Variants in PPP1R37 observed in about 807,000 individuals in gnomAD.
PPP1R37 encodes the protein protein phosphatase 1 regulatory subunit 37.
A neutral mutation model predicts 61.0 loss-of-function variants in PPP1R37; 21 were observed. The ratio of observed to expected loss-of-function variants is 0.34; its 90% CI spans 0.24 to 0.50. The LOEUF (loss-of-function observed/expected upper bound fraction) is 0.50. Among genes scored for constraint, PPP1R37 ranks in the 20% least tolerant of loss-of-function variants. The pLI is 0.98. For missense variants in PPP1R37, 910 were observed against 952.7 expected (o/e 0.96, Z 0.59); for synonymous variants, 443 against 433.5 (o/e 1.02, Z -0.27).
chr19:45,132,894 T>C (rs1294148347), intron 1 of PPP1R37, among the ~76,000 whole-genome samples: 1 of 152,056 alleles, frequency 6.6e-6, no homozygotes, highest in East Asian at 1.9e-4. Context: ...ATGTGTGTGC[T>C]AAGCACTGGT....
chr19:45,128,627 G>GC, intron 1 of PPP1R37: 2 of 1,255,630 alleles, frequency 1.6e-6, no homozygotes, highest in Non-Finnish European at 2.3e-6. Flanking sequence ...CCTTCCCAAT[G>GC]CAGTGCTCAG....
chr19:45,145,818 A>ACCCCCCCCCCCC lies in PPP1R37; in HGVS notation c.1766_1767insCCCCCCCCCCCC (p.Pro590_Ser591insProProProPro). On this transcript the variant is annotated inframe_insertion, in exon 11 of 13. Transcript: ENST00000221462. ...GAGGGCAGAGCCCCCTGCGTCCCCC[A>ACCCCCCCCCCCC]CCCCTCCCTCTCCCCCACCCCCTCC... The ACCCCCCCCCCCC allele has an allele frequency of 3.9e-6, 1 of 254,876 alleles. No individual in the cohort carries two copies. Among genetic ancestry groups the ACCCCCCCCCCCC allele is most frequent in the Non-Finnish European group, 5.5e-6 (1 of 180,320 alleles). The allele number at this position is 254,876 out of a possible 1,614,324, so 15.8% of individuals were successfully genotyped here. A position where few individuals can be genotyped will look rare whatever the true frequency, so the allele number is the denominator to read the frequency against.
intron 1 of PPP1R37, chr19:45,136,817 T>C (rs1041349960): frequency 5.3e-5 from 8 of 152,254 alleles, no homozygotes; most frequent in Non-Finnish European, 5.9e-5. Flanking sequence ...GATGTTAGAC[T>C]CTGCTCTGGA....
chr19:45,103,640 G>A (rs1042377200), intron 1 of PPP1R37, among the ~76,000 whole-genome samples: 1 of 151,996 alleles, frequency 6.6e-6, no homozygotes, highest in African/African-American at 2.4e-5. Flanking sequence ...AGGGAGGGTG[G>A]GAGAGTGGGG....
chr19:45,141,953 A>G, intron 5 of PPP1R37, 108 bp from the exon 6 acceptor site: 1 of 1,216,080 alleles, frequency 8.2e-7, no homozygotes, highest in Non-Finnish European at 1.1e-6. Flanking sequence ...TCATTGAGAC[A>G]TGGGGGCACA....
chr19:45,113,700 C>T (rs761792487), intron 1 of PPP1R37, among the ~76,000 whole-genome samples: 5 of 152,224 alleles, frequency 3.3e-5, no homozygotes, highest in Non-Finnish European at 5.9e-5. Flanking sequence ...CCTGGGCCAT[C>T]GCTGCCTTTG....
chr19:45,096,658 A>G lies in PPP1R37; in HGVS notation c.202+3131A>G, dbSNP rs189998305. 3.1e-4 allele frequency among the ~76,000 whole-genome samples: 47 copies of G among 152,220 alleles called. 1 individual carries two copies. The highest frequency in any genetic ancestry group is 1.1e-3 in the African/African-American group (45 of 41,540). Reference sequence around the variant, plus strand: ...GTTGGAGCCTGGCTGGGAGGAGTTTAGAGGAGGGGTGCCGGTTGGTCTGTC... The same window carrying G: ...GTTGGAGCCTGGCTGGGAGGAGTTTGGAGGAGGGGTGCCGGTTGGTCTGTC... On this transcript the variant is annotated intron_variant, in intron 1 of 12. Coordinates refer to ENST00000221462, the MANE Select transcript of PPP1R37 (RefSeq NM_019121.2).
At chr19:45,128,717 G>GC in intron 1 of PPP1R37, 1 of 911,538 alleles carries the variant, frequency 1.1e-6, no homozygotes, top group Non-Finnish European at 1.7e-6. Flanking sequence ...AGACTGGCAA[G>GC]CACAGCCGCG....
At position 45,130,270 on chromosome 19, in the gene PPP1R37, C is replaced by T. The variant is rs1968459399; in HGVS notation, c.203-8244C>T. ...TCCCCGTGAGTACTACAGGGGACCC[C>T]ACTCCTGCAGAATACAATCCTCCCA... On this transcript the variant is annotated intron_variant, in intron 1 of 12. Coordinates refer to ENST00000221462, the MANE Select transcript of PPP1R37 (RefSeq NM_019121.2). The surrounding 1 kb of genome is among the most constrained non-coding windows in gnomAD (Gnocchi z 4.4). Among the ~76,000 whole-genome samples the T allele has an allele frequency of 6.6e-6, 1 of 152,132 alleles. No homozygotes were observed.
At chr19:45,137,835 A>C in intron 1 of PPP1R37, among the ~76,000 whole-genome samples, 1 of 139,106 alleles carries the variant, frequency 7.2e-6, no homozygotes, top group Non-Finnish European at 1.5e-5. Flanking sequence ...CAAAAATACA[A>C]AAAAAAAAAA....
At chr19:45,129,035 G>A in intron 1 of PPP1R37, 1 of 811,560 alleles carries the variant, frequency 1.2e-6, no homozygotes. Flanking sequence ...CAAAAGAACT[G>A]GCTCCCAGGG....
rs115889192 is a variant in PPP1R37, at chr19:45,122,198, C to T, written c.203-16316C>T. ...TGAAGGTGCGTAGAAGGCATTTGCC[C>T]CAGGCTGGCTCTGGGCTGAGCACAC... is the stretch of plus-strand genomic sequence containing the variant. On this transcript the variant is annotated intron_variant, in intron 1 of 12. Transcript: ENST00000221462. Among the ~76,000 whole-genome samples, 1,108 of 152,292 alleles carry T rather than the reference C, an allele frequency of 7.3e-3. 13 individuals carry two copies. The highest frequency in any genetic ancestry group is 0.025 in the African/African-American group (1,022 of 41,564).
chr19:45,114,804 TA>T (rs764142238), intron 1 of PPP1R37, among the ~76,000 whole-genome samples: 45 of 146,070 alleles, frequency 3.1e-4, no homozygotes, highest in Admixed American at 5.4e-4. Context: ...TATAAAAAAT[TA>T]AATTTTCGGA....
intron 1 of PPP1R37, among the ~76,000 whole-genome samples, chr19:45,102,056 G>A (rs1298262580): frequency 2.0e-5 from 3 of 152,150 alleles, no homozygotes; most frequent in Non-Finnish European, 4.4e-5. Context: ...TGGCCTGCTT[G>A]GGACATCCTG....
chr19:45,126,926 G>A (rs1376141548), intron 1 of PPP1R37, among the ~76,000 whole-genome samples: 1 of 152,244 alleles, frequency 6.6e-6, no homozygotes, highest in Non-Finnish European at 1.5e-5. Flanking sequence ...GGCTGGTGAT[G>A]TTGGTTTCTT....
chr19:45,100,896 C>T (rs1968054730), intron 1 of PPP1R37, among the ~76,000 whole-genome samples: 1 of 152,196 alleles, frequency 6.6e-6, no homozygotes, highest in African/African-American at 2.4e-5. Flanking sequence ...TGACCCTTGG[C>T]CTCTGGGACG....
intron 1 of PPP1R37, among the ~76,000 whole-genome samples, chr19:45,107,613 A>C (rs1423951870): frequency 6.6e-6 from 1 of 152,154 alleles, no homozygotes; most frequent in Non-Finnish European, 1.5e-5. Flanking sequence ...AATAAAAAAT[A>C]AGTAAATGAA....
At chr19:45,116,082 C>T (rs1968263795) in intron 1 of PPP1R37, among the ~76,000 whole-genome samples, 1 of 152,210 alleles carries the variant, frequency 6.6e-6, no homozygotes, top group Non-Finnish European at 1.5e-5. Flanking sequence ...TCATCCAAGC[C>T]TGCCATTGAC....
intron 1 of PPP1R37, among the ~76,000 whole-genome samples, chr19:45,107,020 G>A (rs531779351): frequency 7.3e-4 from 110 of 151,720 alleles, no homozygotes; most frequent in African/African-American, 2.4e-3. Flanking sequence ...ATTTCACCAT[G>A]TTAGCCAGGA....
Sources: allele counts gnomAD v4.1 joint callset (sites outside exome capture counted in the v4.1 genomes callset), GRCh38; gene constraint gnomAD v4.1.1; non-coding constraint Gnocchi (gnomAD v3.1); transcripts MANE v1.5; gene names NCBI Gene and HGNC (gene_info 2026-07-23, HGNC 2026-07-21).